Variants in LRRC49 observed in about 807,000 individuals in gnomAD.
LRRC49 encodes the protein leucine-rich repeat-containing protein 49.
Under a neutral mutation model 83.3 loss-of-function variants are expected in LRRC49, and 50 were observed. The ratio of observed to expected loss-of-function variants is 0.60; its 90% CI spans 0.48 to 0.76. The LOEUF is 0.76. Among genes scored for constraint, LRRC49 ranks in the 30% least tolerant of loss-of-function variants. LRRC49 has a pLI of 0.00. For missense variants in LRRC49, 704 were observed against 809.1 expected (o/e 0.87, Z 1.58); for synonymous variants, 286 against 283.3 (o/e 1.01, Z -0.10).
rs545105038 is a variant in LRRC49, at chr15:70,971,033, ATTTG to A, written c.921+7106_921+7109del. Among the ~76,000 whole-genome samples the A allele has an allele frequency of 3.7e-3, 567 of 152,120 alleles. 4 individuals are homozygous for A. Among genetic ancestry groups the A allele is most frequent in the African/African-American group, 0.013 (542 of 41,486 alleles). ...TTTCTTGTCTTCTACTACCTTTTGAATTTGTTTGCTCTTGCTTCTCTAATTCTTT... is the reference window on the plus strand; with the variant it reads ...TTTCTTGTCTTCTACTACCTTTTGAATTTGCTCTTGCTTCTCTAATTCTTT... On this transcript the variant is annotated intron_variant, in intron 9 of 15. Transcript: ENST00000260382.
At chr15:70,951,366 A>G (rs1269181464) in intron 8 of LRRC49, among the ~76,000 whole-genome samples, 1 of 152,054 alleles carries the variant, frequency 6.6e-6, no homozygotes, top group Admixed American at 6.6e-5. Flanking sequence ...TGGTCATTTT[A>G]TCAATGTTGA....
chr15:70,895,782 A>T, intron 2 of LRRC49, 67 bp from the exon 3 acceptor site: 1 of 925,934 alleles, frequency 1.1e-6, no homozygotes. Context: ...ATGTTTTTTT[A>T]ATTTATCTTC....
At chr15:70,935,198 T>C (rs1402757910) in intron 7 of LRRC49, among the ~76,000 whole-genome samples, 2 of 152,242 alleles carry the variant, frequency 1.3e-5, no homozygotes, top group African/African-American at 2.4e-5. Flanking sequence ...ATCTGTGGAA[T>C]AGGCTTCATG....
intron 1 of LRRC49, among the ~76,000 whole-genome samples, chr15:70,858,324 G>C (rs2141067242): frequency 6.6e-6 from 1 of 152,198 alleles, no homozygotes; most frequent in South Asian, 2.1e-4. Flanking sequence ...TCTCACAGCT[G>C]GGTGCAGTGG....
intron 8 of LRRC49, among the ~76,000 whole-genome samples, chr15:70,938,645 G>C (rs2035689805): frequency 6.6e-6 from 1 of 152,176 alleles, no homozygotes; most frequent in Non-Finnish European, 1.5e-5. Context: ...TAGCTGGGCT[G>C]TCAGATAACC....
At chr15:70,943,133 A>G (rs1345288371) in intron 8 of LRRC49, among the ~76,000 whole-genome samples, 4 of 150,986 alleles carry the variant, frequency 2.6e-5, no homozygotes, top group Admixed American at 6.6e-5. Flanking sequence ...TTTGATAGCT[A>G]CTAGAGAATC....
intron 10 of LRRC49, among the ~76,000 whole-genome samples, chr15:70,981,767 T>G (rs2037408299): frequency 6.6e-6 from 1 of 152,176 alleles, no homozygotes; most frequent in Admixed American, 6.5e-5. Flanking sequence ...TATTGGCACC[T>G]AGCTATTAGA....
rs1287631337 is a variant in LRRC49, at chr15:71,050,605, T to C, written c.*993T>C. 2 of 152,180 alleles carry C rather than the reference T, an allele frequency of 1.3e-5. No individual in the cohort carries two copies. Among genetic ancestry groups the C allele is most frequent in the African/African-American group, 2.4e-5 (1 of 41,430 alleles). 9.4% of individuals were successfully genotyped at this position (152,180 alleles called of 1,614,324 possible). On this transcript the variant is annotated 3_prime_UTR_variant, in exon 16 of 16. Transcript: ENST00000260382. ...CTTAGATTTTACCTAGCAGCTATTA[T>C]GTCAGCAGGACCACCAGGATATGGG...
intron 11 of LRRC49, among the ~76,000 whole-genome samples, chr15:70,985,633 A>G (rs2037582352): frequency 6.6e-6 from 1 of 152,158 alleles, no homozygotes; most frequent in Non-Finnish European, 1.5e-5. Context: ...CTTGAGTTCA[A>G]TTAGATCCCA....
chr15:70,962,387 C>T (rs1356801259), intron 8 of LRRC49, among the ~76,000 whole-genome samples: 1 of 152,092 alleles, frequency 6.6e-6, no homozygotes, highest in Non-Finnish European at 1.5e-5. Context: ...TTTCTGTACA[C>T]ACATATATTT....
chr15:70,992,048 T>C (rs564027005), intron 11 of LRRC49, among the ~76,000 whole-genome samples: 103 of 152,214 alleles, frequency 6.8e-4, no homozygotes, highest in Admixed American at 1.4e-3. Context: ...GCTACAAAAA[T>C]AAATCAAGAA....
chr15:71,012,771 AT>A, intron 13 of LRRC49, 32 bp from the exon 14 acceptor site: 9 of 1,284,692 alleles, frequency 7.0e-6, no homozygotes, highest in South Asian at 1.2e-5. Flanking sequence ...AGTTGGTGTC[AT>A]TTTTTTACCC....
chr15:70,930,531 T>C (rs1409021179), intron 7 of LRRC49, among the ~76,000 whole-genome samples: 1 of 152,226 alleles, frequency 6.6e-6, no homozygotes, highest in East Asian at 1.9e-4. Context: ...GTCAACAACT[T>C]TGTTAGCTCC....
intron 9 of LRRC49, among the ~76,000 whole-genome samples, chr15:70,976,700 A>C (rs1397877104): frequency 6.6e-6 from 1 of 151,952 alleles, no homozygotes; most frequent in African/African-American, 2.4e-5. Context: ...TCCCCCCCCA[A>C]CTTATTTATT....
In LRRC49 at chr15:70,882,264, A is replaced by T. The variant is rs551828351; in HGVS notation, c.18+9041A>T. The T allele has an allele frequency of 2.4e-5, 12 of 504,402 alleles. No homozygotes were observed. In the South Asian group the frequency reaches 4.8e-4, roughly 20 times the overall value. 31.2% of individuals were successfully genotyped at this position (504,402 alleles called of 1,614,324 possible). Reference sequence around the variant, plus strand: ...AAAAAGGTGAAAGTAGAGAATAGGGATGTTTGTGGGTAGGTATTATCTTCA... The same window carrying T: ...AAAAAGGTGAAAGTAGAGAATAGGGTTGTTTGTGGGTAGGTATTATCTTCA... On this transcript the variant is annotated intron_variant, in intron 2 of 16. Coordinates refer to the LRRC49 transcript ENST00000544974.
At chr15:70,908,918 A>G (rs2034430871) in intron 5 of LRRC49, among the ~76,000 whole-genome samples, 1 of 152,262 alleles carries the variant, frequency 6.6e-6, no homozygotes, top group Non-Finnish European at 1.5e-5. Context: ...GAGCAAAGAC[A>G]GTTAGCTTGT....
chr15:70,880,698 G>A (rs1295535810), intron 2 of LRRC49, among the ~76,000 whole-genome samples: 1 of 152,106 alleles, frequency 6.6e-6, no homozygotes, highest in Non-Finnish European at 1.5e-5. Context: ...TACTCAATTG[G>A]TGGAAGAAGA....
At chr15:70,854,165 G>A in intron 1 of LRRC49, 1 of 1,068,056 alleles carries the variant, frequency 9.4e-7, no homozygotes, top group Non-Finnish European at 1.2e-6. Context: ...ACTGCGACGA[G>A]GGGGCGGGGG....
exon 2 of LRRC49, chr15:70,872,950 G>A (rs977274133): frequency 1.5e-5 from 6 of 395,486 alleles, no homozygotes; most frequent in Non-Finnish European, 2.4e-5. Flanking sequence ...GCCGTGGTGC[G>A]ATCTCGCTCA....
Sources: gnomAD v4.1 joint callset for allele counts (sites outside exome capture counted in the v4.1 genomes callset) on GRCh38, gnomAD v4.1.1 for gene constraint, MANE v1.5 for transcripts, NCBI Gene and HGNC (gene_info 2026-07-23, HGNC 2026-07-21) for gene names.